The following ST6GALNAC3 variants were observed in gnomAD, a reference collection of about 807,000 sequenced individuals.
ST6GALNAC3 encodes ST6 N-acetylgalactosaminide alpha-2,6-sialyltransferase 3.
Under a neutral mutation model 32.7 loss-of-function variants are expected in ST6GALNAC3, and 25 were observed. The observed-to-expected ratio is 0.76, with a 90% confidence interval of 0.56 to 1.07. The LOEUF (loss-of-function observed/expected upper bound fraction) is 1.07. Among genes scored for constraint, ST6GALNAC3 ranks in the 50% least tolerant of loss-of-function variants. ST6GALNAC3 has a pLI of 0.00. For synonymous variants in ST6GALNAC3, 129 were observed against 133.1 expected (o/e 0.97, Z 0.21); for missense variants, 355 against 382.4 (o/e 0.93, Z 0.60).
chr1:76,120,699 G>A (rs575491044), intron 1 of ST6GALNAC3, among the ~76,000 whole-genome samples: 18 of 152,250 alleles, frequency 1.2e-4, no homozygotes, highest in Admixed American at 7.8e-4. Context: ...AATCCAGCAC[G>A]ACCTAAACAG....
intron 3 of ST6GALNAC3, among the ~76,000 whole-genome samples, chr1:76,528,910 C>G (rs929235122): frequency 1.3e-5 from 2 of 150,100 alleles, no homozygotes; most frequent in Non-Finnish European, 3.0e-5. Flanking sequence ...TAGCATCAAG[C>G]AGATTCTTTT....
chr1:76,341,147 C>T (rs1647933304), intron 2 of ST6GALNAC3, among the ~76,000 whole-genome samples: 1 of 151,536 alleles, frequency 6.6e-6, no homozygotes, highest in Admixed American at 6.6e-5. Context: ...TCCTGTTACC[C>T]AAGTAGTGAA....
intron 3 of ST6GALNAC3, among the ~76,000 whole-genome samples, chr1:76,497,858 C>T (rs1449816814): frequency 6.6e-6 from 1 of 152,150 alleles, no homozygotes; most frequent in East Asian, 1.9e-4. Context: ...CATTCAGCAC[C>T]TCTATGTGGG....
chr1:76,577,614 A>C (rs1646831104), intron 3 of ST6GALNAC3, among the ~76,000 whole-genome samples: 1 of 151,944 alleles, frequency 6.6e-6, no homozygotes, highest in African/African-American at 2.4e-5. Flanking sequence ...AGCTCTGGTA[A>C]AGTGGGGAGA....
chr1:76,165,266 A>G (rs1244516930), intron 1 of ST6GALNAC3, among the ~76,000 whole-genome samples: 2 of 152,012 alleles, frequency 1.3e-5, no homozygotes, highest in East Asian at 1.9e-4. Context: ...GAGAGCTTGC[A>G]GTATTTGGTT....
chr1:76,508,231 G>A (rs1661601511), intron 3 of ST6GALNAC3, among the ~76,000 whole-genome samples: 1 of 152,108 alleles, frequency 6.6e-6, no homozygotes, highest in African/African-American at 2.4e-5. Context: ...GTCGCACGCA[G>A]AGTACACAAC....
intron 3 of ST6GALNAC3, among the ~76,000 whole-genome samples, chr1:76,595,189 A>T (rs1457663064): frequency 6.6e-6 from 1 of 152,138 alleles, no homozygotes; most frequent in Non-Finnish European, 1.5e-5. Flanking sequence ...TAGTACAGAC[A>T]TAATGCCGAA....
intron 3 of ST6GALNAC3, among the ~76,000 whole-genome samples, chr1:76,478,545 A>G (rs550635177): frequency 1.3e-5 from 2 of 152,130 alleles, no homozygotes; most frequent in African/African-American, 4.8e-5. Context: ...CACTGAAGTC[A>G]AGTTCCTTGT....
intron 3 of ST6GALNAC3, among the ~76,000 whole-genome samples, chr1:76,442,259 T>C (rs540330939): frequency 9.8e-5 from 15 of 152,304 alleles, no homozygotes; most frequent in Non-Finnish European, 2.2e-4. Flanking sequence ...ATTGATTCAG[T>C]CCTCTACCCA....
chr1:76,554,855 A>G (rs1429842908), intron 3 of ST6GALNAC3, among the ~76,000 whole-genome samples: 2 of 152,308 alleles, frequency 1.3e-5, no homozygotes, highest in East Asian at 3.9e-4. Context: ...CTGAGCAGAT[A>G]GTACATGCAA....
At chr1:76,108,761 C>T (rs1379207659) in intron 1 of ST6GALNAC3, among the ~76,000 whole-genome samples, 1 of 152,024 alleles carries the variant, frequency 6.6e-6, no homozygotes, top group Non-Finnish European at 1.5e-5. Context: ...AAAAGTAAAT[C>T]TCATTAATGG....
chr1:76,337,791 T>C (rs941340277), intron 2 of ST6GALNAC3, among the ~76,000 whole-genome samples: 5 of 152,156 alleles, frequency 3.3e-5, no homozygotes, highest in African/African-American at 1.2e-4. Flanking sequence ...TGACACTTCC[T>C]AGGTACTTTT....
At chr1:76,573,876 T>A (rs994766030) in intron 3 of ST6GALNAC3, among the ~76,000 whole-genome samples, 4 of 151,618 alleles carry the variant, frequency 2.6e-5, no homozygotes, top group African/African-American at 9.7e-5. Flanking sequence ...TGGGTAGGAG[T>A]GGGGTTGGCA....
intron 3 of ST6GALNAC3, among the ~76,000 whole-genome samples, chr1:76,514,328 A>G (rs530381546): frequency 6.6e-6 from 1 of 152,056 alleles, no homozygotes; most frequent in East Asian, 1.9e-4. Flanking sequence ...AAATGATCAT[A>G]TGGTTTTTTT....
chr1:76,569,483 T>C (rs417415), intron 3 of ST6GALNAC3, among the ~76,000 whole-genome samples: 20,822 of 151,970 alleles, frequency 0.14, 2,693 homozygotes, highest in African/African-American at 0.34. Flanking sequence ...CAAAACAAGA[T>C]GCCTGGGCAA....
At chr1:76,291,043 A>G (rs922097143) in intron 1 of ST6GALNAC3, among the ~76,000 whole-genome samples, 13 of 152,216 alleles carry the variant, frequency 8.5e-5, no homozygotes, top group African/African-American at 3.1e-4. Flanking sequence ...AGTAGGTACT[A>G]AAGGAGATGG....
At chr1:76,468,191 T>C (rs1658774284) in intron 3 of ST6GALNAC3, among the ~76,000 whole-genome samples, 1 of 151,890 alleles carries the variant, frequency 6.6e-6, no homozygotes, top group African/African-American at 2.4e-5. Flanking sequence ...TTTGCCCATA[T>C]GTAAAATGTT....
rs187398048 is a variant in ST6GALNAC3 at position 76,214,386 on chromosome 1, A to C, written c.19-99419A>C. Among the ~76,000 whole-genome samples the C allele has an allele frequency of 5.8e-3, 880 of 152,154 alleles. 4 individuals carry two copies. Among genetic ancestry groups the C allele is most frequent in the Middle Eastern group, 0.014 (4 of 294 alleles). The stretch of plus-strand genomic sequence containing the variant: ...CAAATTTCTTACTTCTCATATACTC[A>C]AAGCAACCTCTTGAAAAAAAATTTT... On this transcript the variant is annotated intron_variant, in intron 1 of 4. Transcript: ENST00000328299.
chr1:76,569,240 T>C (rs1665725504), intron 3 of ST6GALNAC3, among the ~76,000 whole-genome samples: 1 of 152,162 alleles, frequency 6.6e-6, no homozygotes, highest in Non-Finnish European at 1.5e-5. Flanking sequence ...TCTAATTACG[T>C]TTTCTTTCCA....
Sources: allele counts gnomAD v4.1 joint callset (sites outside exome capture counted in the v4.1 genomes callset), GRCh38; gene constraint gnomAD v4.1.1; transcripts MANE v1.5; gene names NCBI Gene and HGNC (gene_info 2026-07-23, HGNC 2026-07-21).